Variants in USP15 observed in about 807,000 individuals in gnomAD.
USP15 encodes ubiquitin carboxyl-terminal hydrolase 15.
Under a neutral mutation model 127.1 loss-of-function variants are expected in USP15, and 18 were observed. The observed-to-expected ratio is 0.14, with a 90% confidence interval of 0.10 to 0.21. The LOEUF is 0.21. Ranked by LOEUF, USP15 falls within the 10% of genes least tolerant of loss-of-function variation. The pLI, the probability that USP15 is intolerant of heterozygous loss-of-function variation, is 1.00. For synonymous variants in USP15, 364 were observed against 393.7 expected, an observed-to-expected ratio of 0.92 and a Z score of 0.89; for missense variants, 805 against 1,159.9, an observed-to-expected ratio of 0.69 and a Z score of 4.44.
chr12:62,326,029 T>C, intron 6 of USP15, 96 bp downstream of exon 6: 1 of 1,028,372 alleles, frequency 9.7e-7, no homozygotes, highest in Non-Finnish European at 1.4e-6. Context: ...TAGATGTGTA[T>C]TGCAGAAATT....
intron 2 of USP15, among the ~76,000 whole-genome samples, chr12:62,301,749 C>T (rs1171472794): frequency 1.3e-5 from 2 of 152,040 alleles, no homozygotes; most frequent in Admixed American, 6.6e-5. Context: ...GGTTTTTTCT[C>T]GCTTCTTGAT....
chr12:62,384,848 A>G (rs2067098842), intron 11 of USP15, among the ~76,000 whole-genome samples: 2 of 151,960 alleles, frequency 1.3e-5, no homozygotes, highest in African/African-American at 2.4e-5. Context: ...ATTCTGTGCA[A>G]AAGTCCTGTG....
intron 8 of USP15, among the ~76,000 whole-genome samples, chr12:62,362,772 G>A (rs2066357096): frequency 6.6e-6 from 1 of 152,116 alleles, no homozygotes; most frequent in Non-Finnish European, 1.5e-5. Context: ...ACAGTCTAAT[G>A]AGGGAGACAA....
intron 6 of USP15, among the ~76,000 whole-genome samples, chr12:62,347,293 G>T (rs189755777): frequency 1.3e-5 from 2 of 151,296 alleles, no homozygotes; most frequent in Admixed American, 1.3e-4. Flanking sequence ...AAAGAAAAAA[G>T]TGTGTGTGTG....
At chr12:62,350,425 G>A (rs1428734495) in intron 7 of USP15, among the ~76,000 whole-genome samples, 8 of 151,982 alleles carry the variant, frequency 5.3e-5, no homozygotes, top group Non-Finnish European at 1.2e-4. Flanking sequence ...GAGAAAATTG[G>A]CTCATATCTG....
At chr12:62,370,135 C>A (rs1427296461) in intron 8 of USP15, among the ~76,000 whole-genome samples, 2 of 152,192 alleles carry the variant, frequency 1.3e-5, no homozygotes, top group East Asian at 3.9e-4. Context: ...CCACCACTCC[C>A]GGCTAATATT....
At chr12:62,312,262 C>G (rs1001154353) in intron 3 of USP15, 4 of 336,226 alleles carry the variant, frequency 1.2e-5, no homozygotes, top group African/African-American at 8.8e-5. Flanking sequence ...TTAGAAATTA[C>G]TTATATTTCT....
In USP15 at chr12:62,292,861, C is replaced by T. The variant is rs371725715; in HGVS notation, c.90-1318C>T. Among the ~76,000 whole-genome samples, 4 of 152,172 alleles carry T rather than the reference C, an allele frequency of 2.6e-5. No individual in the cohort carries two copies. In the East Asian group the frequency reaches 7.7e-4, roughly 29 times the overall value. ...GGATAGATTATTGGGAACCCTGCAGCACCCCGGGTCTAACTAGCACTGTGC... is the reference window on the plus strand; with the variant it reads ...GGATAGATTATTGGGAACCCTGCAGTACCCCGGGTCTAACTAGCACTGTGC... On this transcript the variant is annotated intron_variant, in intron 1 of 21. Transcript: ENST00000280377.
In USP15 at chr12:62,381,474, A is replaced by G; in HGVS notation, c.916-16A>G. The G allele has an allele frequency of 6.4e-7, 1 of 1,568,640 alleles. No individual in the cohort carries two copies. Among genetic ancestry groups the G allele is most frequent in the Non-Finnish European group, 8.6e-7 (1 of 1,158,546 alleles). ...TATGATTACTTTTACTTGAAAATAT[A>G]TTTTATTTTTTGCAGTGTTTGAGCA... On this transcript the variant is annotated splice_polypyrimidine_tract_variant and intron_variant, in intron 8 of 21. Transcript: ENST00000280377.
rs1003715909 is a variant in USP15, at chr12:62,406,283, T to C, written c.*1908T>C. The C allele has an allele frequency of 1.3e-5, 2 of 152,210 alleles. No homozygotes were observed. The highest frequency in any genetic ancestry group is 2.9e-5 in the Non-Finnish European group (2 of 68,026). 9.4% of individuals were successfully genotyped at this position (152,210 alleles called of 1,614,324 possible). ...ATTAAGGACGTTTTAAAGTTGATTTTTGTCCACTTTAATATTTATTCATTA... is the reference window on the plus strand; with the variant it reads ...ATTAAGGACGTTTTAAAGTTGATTTCTGTCCACTTTAATATTTATTCATTA... On this transcript the variant is annotated 3_prime_UTR_variant, in exon 22 of 22. Transcript: ENST00000280377.
intron 20 of USP15, among the ~76,000 whole-genome samples, chr12:62,398,632 A>T (rs2067576204): frequency 6.6e-6 from 1 of 152,202 alleles, no homozygotes; most frequent in Non-Finnish European, 1.5e-5. Context: ...ATTACATAGC[A>T]GTTGAGAGCA....
chr12:62,307,189 A>G (rs1376454246), intron 3 of USP15, among the ~76,000 whole-genome samples: 2 of 152,188 alleles, frequency 1.3e-5, no homozygotes, highest in East Asian at 3.9e-4. Flanking sequence ...AAGCAGTATT[A>G]AATGAAAGAC....
intron 8 of USP15, among the ~76,000 whole-genome samples, chr12:62,370,504 A>G (rs1327112877): frequency 3.3e-5 from 5 of 152,182 alleles, no homozygotes; most frequent in African/African-American, 7.2e-5. Context: ...AAGTTGTGTG[A>G]CCTTGGATAA....
Position 62,406,066 on chromosome 12 carries a change from T to A in USP15, c.*1691T>A, listed in dbSNP as rs901093388. 1 of 152,218 alleles carries A rather than the reference T, an allele frequency of 6.6e-6. No homozygotes were observed. Among genetic ancestry groups the A allele is most frequent in the Non-Finnish European group, 1.5e-5 (1 of 67,934 alleles). 9.4% of individuals were successfully genotyped at this position (152,218 alleles called of 1,614,324 possible). ...CACTTGAGTTCACTTGAGTTTACAT[T>A]TGAAATGTGCATGTTTATTTATATA... On this transcript the variant is annotated 3_prime_UTR_variant, in exon 22 of 22. Coordinates refer to ENST00000280377, the MANE Select transcript of USP15 (RefSeq NM_001252078.2).
At chr12:62,369,193 G>A (rs1296054708) in intron 8 of USP15, among the ~76,000 whole-genome samples, 2 of 152,154 alleles carry the variant, frequency 1.3e-5, no homozygotes, top group Non-Finnish European at 2.9e-5. Flanking sequence ...GAGTCTATGG[G>A]ACATAAGTGA....
intron 8 of USP15, 133 bp downstream of exon 8, chr12:62,355,608 A>G (rs144159069): frequency 1.6e-5 from 16 of 1,005,124 alleles, no homozygotes; most frequent in African/African-American, 8.2e-5. Flanking sequence ...ATTTAAGCAT[A>G]CATATTTGAC....
chr12:62,308,881 TTTAAG>T (rs1473599361), intron 3 of USP15, among the ~76,000 whole-genome samples: 1 of 152,076 alleles, frequency 6.6e-6, no homozygotes, highest in Admixed American at 6.6e-5. Flanking sequence ...AAAATATACT[TTTAAG>T]TAATCCTTGA....
intron 6 of USP15, among the ~76,000 whole-genome samples, chr12:62,337,984 G>T (rs952455219): frequency 6.6e-6 from 1 of 152,028 alleles, no homozygotes; most frequent in Admixed American, 6.6e-5. Context: ...ATAATCCTTT[G>T]GGTATATACC....
intron 8 of USP15, among the ~76,000 whole-genome samples, chr12:62,373,490 CA>C (rs1371653331): frequency 6.6e-6 from 1 of 151,922 alleles, no homozygotes; most frequent in African/African-American, 2.4e-5. Flanking sequence ...GTCTTAAGCA[CA>C]GGGACCAGAT....
Sources: gnomAD v4.1 joint callset for allele counts (sites outside exome capture counted in the v4.1 genomes callset) on GRCh38, gnomAD v4.1.1 for gene constraint, MANE v1.5 for transcripts, NCBI Gene and HGNC (gene_info 2026-07-23, HGNC 2026-07-21) for gene names.